MAPK10: variants seen among roughly 807,000 people sequenced by gnomAD.
MAPK10 encodes mitogen-activated protein kinase 10.
A neutral mutation model predicts 59.3 loss-of-function variants in MAPK10; 25 were observed. That is an observed-to-expected ratio of 0.42 (90% CI 0.31 to 0.59). The LOEUF (loss-of-function observed/expected upper bound fraction) is 0.59. Ranked by LOEUF, MAPK10 falls within the 20% of genes least tolerant of loss-of-function variation. The pLI, the probability that MAPK10 is intolerant of heterozygous loss-of-function variation, is 0.15. For missense variants in MAPK10, 351 were observed against 568.9 expected (o/e 0.62, Z 3.90); for synonymous variants, 190 against 200.5 (o/e 0.95, Z 0.44).
chr4:86,245,526 T>C (rs1027865327), intron 2 of MAPK10, among the ~76,000 whole-genome samples: 3 of 152,080 alleles, frequency 2.0e-5, no homozygotes, highest in Admixed American at 6.5e-5. Context: ...TAGAGATAAG[T>C]TCTCACTATA....
intron 2 of MAPK10, among the ~76,000 whole-genome samples, chr4:86,232,821 T>C (rs951944643): frequency 1.4e-4 from 22 of 152,168 alleles, no homozygotes; most frequent in Non-Finnish European, 1.5e-5. Flanking sequence ...CCCTTTCTCT[T>C]CCTCTTCTAT....
chr4:86,454,766 A>T (rs1430914762), upstream of MAPK10, among the ~76,000 whole-genome samples: 2 of 152,222 alleles, frequency 1.3e-5, no homozygotes, highest in Non-Finnish European at 2.9e-5. Flanking sequence ...TCCAAATACA[A>T]GAAGCTCAAA....
intron 2 of MAPK10, among the ~76,000 whole-genome samples, chr4:86,209,726 A>G (rs2085255341): frequency 6.6e-6 from 1 of 152,050 alleles, no homozygotes; most frequent in South Asian, 2.1e-4. Flanking sequence ...GATATGATTC[A>G]TTTCCTATCA....
At chr4:86,309,124 C>G (rs1238533458) in intron 2 of MAPK10, among the ~76,000 whole-genome samples, 1 of 152,104 alleles carries the variant, frequency 6.6e-6, no homozygotes, top group African/African-American at 2.4e-5. Context: ...GGACAGTATT[C>G]TTTGCTGGCA....
intron 9 of MAPK10, among the ~76,000 whole-genome samples, chr4:86,088,171 TTTTG>T (rs896378257): frequency 3.9e-5 from 6 of 152,148 alleles, no homozygotes; most frequent in Admixed American, 2.6e-4. Context: ...TCTGGAATCT[TTTTG>T]TTTGTTTGTC....
At chr4:86,052,333 C>T (rs906384826) in intron 11 of MAPK10, among the ~76,000 whole-genome samples, 1 of 151,860 alleles carries the variant, frequency 6.6e-6, no homozygotes, top group African/African-American at 2.4e-5. Flanking sequence ...TTTGCAGTCC[C>T]CTCCCCCCAT....
intron 11 of MAPK10, among the ~76,000 whole-genome samples, chr4:86,062,489 T>C (rs2045933430): frequency 6.6e-6 from 1 of 152,142 alleles, no homozygotes; most frequent in Non-Finnish European, 1.5e-5. Flanking sequence ...CAACTATCTC[T>C]TTTATAGGCA....
chr4:86,298,559 C>CACTTGTCTCCTGCTCT (rs2095412300), intron 2 of MAPK10, among the ~76,000 whole-genome samples: 2 of 152,170 alleles, frequency 1.3e-5, no homozygotes, highest in Admixed American at 6.5e-5. Context: ...ACAACTGCTC[C>CACTTGTCTCCTGCTCT]ACTTGTCTCC....
chr4:86,337,627 T>C (rs545786709), intron 2 of MAPK10, among the ~76,000 whole-genome samples: 1 of 152,128 alleles, frequency 6.6e-6, no homozygotes, highest in South Asian at 2.1e-4. Flanking sequence ...CCATGGCAAA[T>C]AGTCCTTGTA....
chr4:86,150,057 G>A (rs2066027272), intron 4 of MAPK10, among the ~76,000 whole-genome samples: 1 of 152,208 alleles, frequency 6.6e-6, no homozygotes, highest in South Asian at 2.1e-4. Context: ...CAACGTAAGT[G>A]CCCACTGACT....
chr4:86,150,299 AAAAAGGGT>A (rs1208554696), intron 4 of MAPK10, among the ~76,000 whole-genome samples: 1 of 152,170 alleles, frequency 6.6e-6, no homozygotes, highest in Non-Finnish European at 1.5e-5. Context: ...GACTCAGGAG[AAAAAGGGT>A]AAGAGGGGGT....
intron 1 of MAPK10, among the ~76,000 whole-genome samples, chr4:86,554,936 A>G (rs1760141200): frequency 6.6e-6 from 1 of 152,160 alleles, no homozygotes; most frequent in African/African-American, 2.4e-5. Flanking sequence ...TATCTTTTCA[A>G]AACTCTATGC....
At chr4:86,083,033 A>C (rs1201803567) in intron 9 of MAPK10, among the ~76,000 whole-genome samples, 1 of 152,166 alleles carries the variant, frequency 6.6e-6, no homozygotes, top group African/African-American at 2.4e-5. Flanking sequence ...TACTAAAAAC[A>C]ATGTGTTAAA....
intron 13 of MAPK10, 164 bp downstream of exon 13, chr4:86,029,033 T>C: frequency 1.4e-6 from 1 of 714,874 alleles, no homozygotes. Flanking sequence ...AATGCCACAC[T>C]GAATATCAAA....
At chr4:86,328,384 C>T (rs546295034) in intron 2 of MAPK10, among the ~76,000 whole-genome samples, 18 of 152,216 alleles carry the variant, frequency 1.2e-4, no homozygotes, top group African/African-American at 3.4e-4. Flanking sequence ...GAAACAGGAA[C>T]GCTTTTACAC....
At chr4:86,110,351 A>G (rs2057281215) in intron 4 of MAPK10, among the ~76,000 whole-genome samples, 2 of 151,988 alleles carry the variant, frequency 1.3e-5, no homozygotes, top group South Asian at 4.1e-4. Flanking sequence ...GGATTTTTAT[A>G]GTTTTGGGTT....
At chr4:86,374,004 C>A (rs923634258) in intron 1 of MAPK10, among the ~76,000 whole-genome samples, 2 of 152,058 alleles carry the variant, frequency 1.3e-5, no homozygotes, top group African/African-American at 2.4e-5. Flanking sequence ...TGGAACCAAT[C>A]CAAATGACCA....
chr4:86,146,166 C>G (rs1477668378), intron 4 of MAPK10, among the ~76,000 whole-genome samples: 1 of 152,128 alleles, frequency 6.6e-6, no homozygotes, highest in Non-Finnish European at 1.5e-5. Context: ...GAGTGAATAA[C>G]AGATGTAGAA....
At chr4:86,158,606 TAA>T (rs2068565289) in intron 4 of MAPK10, among the ~76,000 whole-genome samples, 1 of 151,882 alleles carries the variant, frequency 6.6e-6, no homozygotes, top group South Asian at 2.1e-4. Context: ...ATTATACTAA[TAA>T]GTTTATATTA....
Sources: allele counts gnomAD v4.1 joint callset (sites outside exome capture counted in the v4.1 genomes callset), GRCh38; gene constraint gnomAD v4.1.1; transcripts MANE v1.5; gene names NCBI Gene and HGNC (gene_info 2026-07-23, HGNC 2026-07-21).